The following CCDC7 variants were observed in gnomAD, a reference collection of about 807,000 sequenced individuals.
CCDC7 encodes coiled-coil domain containing 7, also known as coiled-coil domain-containing protein 7.
CCDC7 carries 183 observed loss-of-function variants against 196.9 expected under a neutral mutation model. The observed-to-expected ratio is 0.93, with a 90% CI of 0.82 to 1.05. The LOEUF (loss-of-function observed/expected upper bound fraction) is 1.05, where lower values mean the gene tolerates loss of function less well. Among genes scored for constraint, CCDC7 ranks in the 50% least tolerant of loss-of-function variants. The probability of loss-of-function intolerance (pLI) is 0.00; values close to 1 mark genes in which losing one functional copy is unlikely to be tolerated. For missense variants in CCDC7, 1,540 were observed against 1,482.2 expected, an observed-to-expected ratio of 1.04 and a Z score of -0.64; for synonymous variants, 525 against 484.6, an observed-to-expected ratio of 1.08 and a Z score of -1.10.
chr10:32,481,779 C>A (rs2040006880), intron 8 of CCDC7: 1 of 151,756 alleles, frequency 6.6e-6, no homozygotes, highest in African/African-American at 2.4e-5. Flanking sequence ...ACCAACTTTT[C>A]TGGGTAAGGT....
chr10:32,684,210 C>CCA (rs2141097984), intron 21 of CCDC7, among the ~76,000 whole-genome samples: 1 of 152,252 alleles, frequency 6.6e-6, no homozygotes, highest in Admixed American at 6.5e-5. Context: ...AGATGGGGCC[C>CCA]TTATCCTGGG....
rs367850849 is a variant in CCDC7, at chr10:32,824,496, A to T, written c.3182-22A>T. 57 of 1,531,240 alleles carry T rather than the reference A, an allele frequency of 3.7e-5. No homozygotes were observed. In the Middle Eastern group the frequency reaches 5.3e-4, roughly 14 times the overall value. The allele number at this position is 1,531,240 out of a possible 1,614,324, so 94.9% of individuals were successfully genotyped here. On this transcript the variant is annotated intron_variant, in intron 31 of 41. Transcript: ENST00000639629. ...ATATTTACATTAAAAAAGTGTTTTG[A>T]AATCTGTTTACTTTTTTATAGAGAC...
chr10:32,817,231 G>T (rs2088894194), intron 31 of CCDC7, among the ~76,000 whole-genome samples: 1 of 152,142 alleles, frequency 6.6e-6, no homozygotes, highest in Admixed American at 6.5e-5. Flanking sequence ...GGAAGAGGGG[G>T]TATCAGTGAT....
chr10:32,787,484 A>G (rs2082056172), intron 29 of CCDC7, among the ~76,000 whole-genome samples: 1 of 152,354 alleles, frequency 6.6e-6, no homozygotes, highest in East Asian at 1.9e-4. Flanking sequence ...GGGAGGAAGG[A>G]CAGTTTTACA....
At chr10:32,745,167 A>C (rs2133277328) in intron 28 of CCDC7, among the ~76,000 whole-genome samples, 1 of 152,288 alleles carries the variant, frequency 6.6e-6, no homozygotes, top group African/African-American at 2.4e-5. Flanking sequence ...GTTCTGTGCC[A>C]TTGATCTATT....
At chr10:32,609,331 C>G (rs1260266397) in intron 18 of CCDC7, among the ~76,000 whole-genome samples, 1 of 152,120 alleles carries the variant, frequency 6.6e-6, no homozygotes, top group Non-Finnish European at 1.5e-5. Context: ...TATCCTCTGG[C>G]TGAGTTGATC....
chr10:32,859,419 G>C (rs2504008), intron 41 of CCDC7, among the ~76,000 whole-genome samples: 52,294 of 152,042 alleles, frequency 0.34, 11,342 homozygotes, highest in Non-Finnish European at 0.49. Flanking sequence ...ATTTAAAGCA[G>C]TGTGTAGAAG....
intron 11 of CCDC7, among the ~76,000 whole-genome samples, chr10:32,538,650 C>T (rs7910275): frequency 0.44 from 66,723 of 151,996 alleles, 15,260 homozygotes; most frequent in East Asian, 0.58. Context: ...TATTTTGATG[C>T]ATGTTCCTTC....
chr10:32,690,281 C>T (rs1347819190), intron 23 of CCDC7, among the ~76,000 whole-genome samples: 2 of 152,162 alleles, frequency 1.3e-5, no homozygotes, highest in South Asian at 2.1e-4. Flanking sequence ...GCTAGTCCTC[C>T]CCTTGGGAGC....
intron 18 of CCDC7, among the ~76,000 whole-genome samples, chr10:32,593,902 G>T (rs1043624318): frequency 2.6e-5 from 4 of 152,064 alleles, no homozygotes; most frequent in Non-Finnish European, 4.4e-5. Context: ...TGTCCAACTG[G>T]TGTATCTCTC....
intron 20 of CCDC7, among the ~76,000 whole-genome samples, chr10:32,643,278 T>G (rs564978713): frequency 3.9e-5 from 6 of 152,284 alleles, no homozygotes; most frequent in Admixed American, 2.6e-4. Flanking sequence ...TCTGGTAAGG[T>G]TATTTGCCTT....
intron 25 of CCDC7, 90 bp downstream of exon 26, chr10:32,711,820 CAT>C (rs2080887874): frequency 4.9e-6 from 3 of 618,530 alleles, no homozygotes; most frequent in South Asian, 2.7e-5. Context: ...TATTTGAGAA[CAT>C]ATATTTTATT....
chr10:32,445,514 A>G (rs1454100677), upstream of CCDC7, among the ~76,000 whole-genome samples: 1 of 152,210 alleles, frequency 6.6e-6, no homozygotes, highest in Non-Finnish European at 1.5e-5. Context: ...GTTAAATTGT[A>G]TCAATTAATA....
At chr10:32,638,059 G>A (rs2065983211) in intron 20 of CCDC7, among the ~76,000 whole-genome samples, 2 of 152,126 alleles carry the variant, frequency 1.3e-5, no homozygotes, top group Non-Finnish European at 2.9e-5. Context: ...GAGAATGCTT[G>A]TGATTTTTGC....
At chr10:32,778,313 G>T (rs2080449351) in intron 28 of CCDC7, among the ~76,000 whole-genome samples, 1 of 152,142 alleles carries the variant, frequency 6.6e-6, no homozygotes, top group Admixed American at 6.5e-5. Flanking sequence ...TTGTTATAGT[G>T]TGAAGTCTTA....
chr10:32,612,100 A>G (rs1335134568), intron 18 of CCDC7, among the ~76,000 whole-genome samples: 6 of 152,182 alleles, frequency 3.9e-5, no homozygotes, highest in Non-Finnish European at 8.8e-5. Flanking sequence ...TTTGTTGAGC[A>G]GTGGTTTGCA....
chr10:32,747,503 C>T (rs1021531386), intron 28 of CCDC7, among the ~76,000 whole-genome samples: 4 of 151,994 alleles, frequency 2.6e-5, no homozygotes, highest in Non-Finnish European at 1.5e-5. Context: ...CTATATGGAA[C>T]TCAAATCAAT....
chr10:32,484,149 A>G (rs1278562205), intron 8 of CCDC7, among the ~76,000 whole-genome samples: 2 of 151,990 alleles, frequency 1.3e-5, no homozygotes, highest in Non-Finnish European at 2.9e-5. Context: ...TCTTCCATTT[A>G]TTTGTGTCCT....
Position 32,565,407 on chromosome 10 carries a change from TCCA to T in CCDC7, c.1135-147_1135-145del, listed in dbSNP as rs1013453275. ...TAGGAAGCTTTAGCTTCAGGTATTA[TCCA>T]CCATTACACTTGAGAGATGTGCAGT... On this transcript the variant is annotated intron_variant, in intron 13 of 41. Coordinates refer to ENST00000639629, the Ensembl canonical transcript of CCDC7. The T allele has an allele frequency of 3.0e-4, 189 of 629,584 alleles. No homozygotes were observed. The Middle Eastern group carries it at 7.9e-3, about 26-fold the overall frequency. The allele number at this position is 629,584 out of a possible 1,614,324, so 39.0% of individuals were successfully genotyped here. A position where few individuals can be genotyped will look rare whatever the true frequency, so the allele number is the denominator to read the frequency against.
Sources: allele counts gnomAD v4.1 joint callset (sites outside exome capture counted in the v4.1 genomes callset), GRCh38; gene constraint gnomAD v4.1.1; transcripts MANE v1.5; gene names NCBI Gene and HGNC (gene_info 2026-07-23, HGNC 2026-07-21).